The following PIK3C3 variants were observed in gnomAD, a reference collection of about 807,000 sequenced individuals.
PIK3C3 encodes phosphatidylinositol 3-kinase catalytic subunit type 3.
PIK3C3 carries 95 observed loss-of-function variants against 126.1 expected under a neutral mutation model. The ratio of observed to expected loss-of-function variants is 0.75; its 90% CI spans 0.64 to 0.89. PIK3C3 has a LOEUF of 0.89. PIK3C3 is among the 40% of genes least tolerant of loss of function. PIK3C3 has a pLI of 0.00. For missense variants in PIK3C3, 829 were observed against 1,063.2 expected, an observed-to-expected ratio of 0.78 and a Z score of 3.06; for synonymous variants, 374 against 360.0, an observed-to-expected ratio of 1.04 and a Z score of -0.44.
At chr18:41,966,602 A>C (rs1980384329) in intron 3 of PIK3C3, among the ~76,000 whole-genome samples, 1 of 152,212 alleles carries the variant, frequency 6.6e-6, no homozygotes, top group East Asian at 1.9e-4. Flanking sequence ...GGGTAATAGC[A>C]AGACTAAATA....
rs143612313 is a variant in PIK3C3, at chr18:42,080,572, C to A, written c.2650-551C>A. Among the ~76,000 whole-genome samples the A allele has an allele frequency of 4.7e-4, 71 of 152,274 alleles. 1 individual carries two copies. The highest frequency in any genetic ancestry group is 1.6e-3 in the African/African-American group (67 of 41,566). On this transcript the variant is annotated intron_variant, in intron 24 of 24. Coordinates refer to ENST00000262039, the MANE Select transcript of PIK3C3 (RefSeq NM_002647.4). ...ATATTCAGCCAAACAAAGAAATCTTCGTTGATTTTATTCCTACTGGGGATA... is the reference window on the plus strand; with the variant it reads ...ATATTCAGCCAAACAAAGAAATCTTAGTTGATTTTATTCCTACTGGGGATA...
intron 7 of PIK3C3, among the ~76,000 whole-genome samples, chr18:41,993,699 T>C (rs551092193): frequency 2.5e-4 from 38 of 152,214 alleles, no homozygotes; most frequent in African/African-American, 9.1e-4. Context: ...AAGGAGAATT[T>C]GCCTGTTACA....
At chr18:41,979,087 AG>A (rs1160010150) in intron 4 of PIK3C3, among the ~76,000 whole-genome samples, 2 of 150,030 alleles carry the variant, frequency 1.3e-5, no homozygotes, top group Non-Finnish European at 3.0e-5. Flanking sequence ...AAAAAAAAAA[AG>A]AGTTCACATA....
At chr18:42,062,558 C>G (rs1985365012) in intron 22 of PIK3C3, among the ~76,000 whole-genome samples, 1 of 152,104 alleles carries the variant, frequency 6.6e-6, no homozygotes, top group Admixed American at 6.5e-5. Flanking sequence ...TTGGACACCT[C>G]TGATGTAGAA....
At chr18:42,058,285 C>T (rs114606191) in intron 22 of PIK3C3, among the ~76,000 whole-genome samples, 40 of 152,304 alleles carry the variant, frequency 2.6e-4, no homozygotes, top group African/African-American at 9.4e-4. Context: ...ATCCCACCAG[C>T]TAGGAAGCTG....
intron 5 of PIK3C3, among the ~76,000 whole-genome samples, chr18:41,989,055 C>T (rs1269387962): frequency 1.3e-5 from 2 of 151,818 alleles, no homozygotes; most frequent in South Asian, 2.1e-4. Flanking sequence ...ATTTAAGTAA[C>T]CTCTTCAGAC....
At chr18:41,987,759 C>G (rs1442870382) in intron 4 of PIK3C3, 53 bp from the exon 5 acceptor site, 1 of 1,235,842 alleles carries the variant, frequency 8.1e-7, no homozygotes, top group South Asian at 1.3e-5. Flanking sequence ...ATTTTTGGTC[C>G]TTCTTTCTAC....
chr18:42,026,453 G>A (rs1367486387), intron 13 of PIK3C3: 2 of 152,014 alleles, frequency 1.3e-5, no homozygotes, highest in Non-Finnish European at 2.9e-5. Context: ...GTATCAAGCT[G>A]TGATACTTTT....
chr18:41,970,357 A>T lies in PIK3C3; in HGVS notation c.432A>T (p.Lys144Asn). 1.2e-6 allele frequency: 2 copies of T among 1,613,594 alleles called. No individual in the cohort carries two copies. The highest frequency in any genetic ancestry group is 1.7e-6 in the Non-Finnish European group (2 of 1,179,538). Residue 144 changes from lysine (K) to asparagine (N), a missense_variant, in exon 4 of 25, where the codon AAA becomes AAT. Coordinates refer to ENST00000262039, the MANE Select transcript of PIK3C3 (RefSeq NM_002647.4). ...GMFRQGMHDL[K>N]VWPNVEADGS... ...TTCGCCAAGGGATGCATGACTTGAA[A>T]GTCTGGCCTAATGTAGAAGCAGATG...
intron 13 of PIK3C3, chr18:42,025,433 A>G (rs767667158): frequency 1.3e-5 from 2 of 152,196 alleles, no homozygotes; most frequent in Non-Finnish European, 2.9e-5. Context: ...TGCCAAGGAA[A>G]GTTTGAGGTA....
At chr18:42,060,414 A>G (rs1272364952) in intron 22 of PIK3C3, among the ~76,000 whole-genome samples, 1 of 152,158 alleles carries the variant, frequency 6.6e-6, no homozygotes, top group Non-Finnish European at 1.5e-5. Context: ...ATTCTTAGAC[A>G]CTGATGTTAC....
At chr18:42,060,795 T>A (rs955568512) in intron 22 of PIK3C3, among the ~76,000 whole-genome samples, 3 of 151,938 alleles carry the variant, frequency 2.0e-5, no homozygotes, top group Admixed American at 6.6e-5. Flanking sequence ...AAAAAAAATT[T>A]AAAAAAATGT....
intron 21 of PIK3C3, among the ~76,000 whole-genome samples, chr18:42,056,633 A>G (rs1274735232): frequency 2.6e-5 from 4 of 152,310 alleles, no homozygotes; most frequent in African/African-American, 7.2e-5. Context: ...AATCATGTGT[A>G]TCCAACAAGG....
At chr18:42,062,249 T>C (rs1985347964) in intron 22 of PIK3C3, among the ~76,000 whole-genome samples, 1 of 151,822 alleles carries the variant, frequency 6.6e-6, no homozygotes, top group Non-Finnish European at 1.5e-5. Flanking sequence ...TTTTTTTTTT[T>C]TTTTTATAAT....
chr18:42,064,553 G>A (rs923557870), intron 22 of PIK3C3, 187 bp from the exon 23 acceptor site: 2 of 527,094 alleles, frequency 3.8e-6, no homozygotes, highest in East Asian at 3.0e-5. Flanking sequence ...GGTGTTATAC[G>A]AAGACCCCAA....
At chr18:41,984,789 TTA>T (rs1284965437) in intron 4 of PIK3C3, 1 of 152,212 alleles carries the variant, frequency 6.6e-6, no homozygotes, top group African/African-American at 2.4e-5. Flanking sequence ...AGCTAGTCTC[TTA>T]GGATGGCCCT....
intron 23 of PIK3C3, among the ~76,000 whole-genome samples, chr18:42,065,263 TAAAAC>T (rs766245631): frequency 6.6e-6 from 1 of 151,748 alleles, no homozygotes; most frequent in Non-Finnish European, 1.5e-5. Flanking sequence ...AATGAAAAAA[TAAAAC>T]AATCCGTAGA....
chr18:41,987,994 T>C (rs1981581398), intron 5 of PIK3C3, 96 bp downstream of exon 5: 2 of 726,788 alleles, frequency 2.8e-6, no homozygotes, highest in Non-Finnish European at 4.4e-6. Context: ...CTTACAAATA[T>C]AGGATTATCA....
intron 24 of PIK3C3, among the ~76,000 whole-genome samples, chr18:42,080,919 T>C (rs779810450): frequency 6.6e-6 from 1 of 152,190 alleles, no homozygotes; most frequent in Non-Finnish European, 1.5e-5. Flanking sequence ...CCTTGAATTA[T>C]TTTCTCATAT....
Sources: gnomAD v4.1 joint callset for allele counts (sites outside exome capture counted in the v4.1 genomes callset) on GRCh38, gnomAD v4.1.1 for gene constraint, MANE v1.5 for transcripts, NCBI Gene and HGNC (gene_info 2026-07-23, HGNC 2026-07-21) for gene names.